The following CTNNA3 variants were observed in gnomAD, a reference collection of about 807,000 sequenced individuals.
The protein encoded by CTNNA3 is catenin alpha-3.
A neutral mutation model predicts 95.7 loss-of-function variants in CTNNA3; 76 were observed. The ratio of observed to expected loss-of-function variants is 0.79; its 90% confidence interval spans 0.66 to 0.96. The LOEUF is 0.96. Among genes scored for constraint, CTNNA3 ranks in the 40% least tolerant of loss-of-function variants. The probability of loss-of-function intolerance (pLI) is 0.00; values close to 1 mark genes in which losing one functional copy is unlikely to be tolerated. For missense variants in CTNNA3, 1,191 were observed against 1,089.8 expected, an observed-to-expected ratio of 1.09 and a Z score of -1.31; for synonymous variants, 431 against 374.4, an observed-to-expected ratio of 1.15 and a Z score of -1.74.
intron 7 of CTNNA3, among the ~76,000 whole-genome samples, chr10:67,126,384 G>A (rs1003914497): frequency 2.0e-5 from 3 of 151,896 alleles, no homozygotes; most frequent in Admixed American, 6.6e-5. Flanking sequence ...AAAGTCAGCT[G>A]GGCGTGGCGG....
intron 13 of CTNNA3, among the ~76,000 whole-genome samples, chr10:66,275,882 G>A (rs1211247851): frequency 6.6e-6 from 1 of 151,880 alleles, no homozygotes; most frequent in Non-Finnish European, 1.5e-5. Flanking sequence ...TGACACTGCA[G>A]GTAATCTCAA....
At chr10:67,658,398 T>C (rs1840086344) in intron 1 of CTNNA3, among the ~76,000 whole-genome samples, 1 of 152,204 alleles carries the variant, frequency 6.6e-6, no homozygotes, top group Non-Finnish European at 1.5e-5. Flanking sequence ...CAGAATCTAC[T>C]TGTCTACATT....
At chr10:66,557,614 T>C (rs1175805600) in intron 10 of CTNNA3, among the ~76,000 whole-genome samples, 2 of 152,120 alleles carry the variant, frequency 1.3e-5, no homozygotes, top group Non-Finnish European at 2.9e-5. Context: ...TCCCATCTGA[T>C]TGATCACAAT....
At chr10:66,836,514 A>G (rs1842892856) in intron 7 of CTNNA3, among the ~76,000 whole-genome samples, 1 of 152,160 alleles carries the variant, frequency 6.6e-6, no homozygotes, top group African/African-American at 2.4e-5. Flanking sequence ...CAGACTGTCC[A>G]CTAGAAAACG....
chr10:67,592,716 G>A (rs1426828062), intron 3 of CTNNA3, among the ~76,000 whole-genome samples: 1 of 152,098 alleles, frequency 6.6e-6, no homozygotes, highest in Non-Finnish European at 1.5e-5. Context: ...ACAGAAAGTG[G>A]CAGTTTCCAC....
chr10:66,879,803 A>G (rs1844775417), intron 7 of CTNNA3, among the ~76,000 whole-genome samples: 1 of 152,114 alleles, frequency 6.6e-6, no homozygotes. Context: ...ACGCATGTTT[A>G]GAAAAGCATG....
chr10:66,645,221 T>C (rs923178522), intron 9 of CTNNA3, among the ~76,000 whole-genome samples: 4 of 152,188 alleles, frequency 2.6e-5, no homozygotes, highest in Non-Finnish European at 5.9e-5. Flanking sequence ...TGAAGTCTAA[T>C]TCATCAATTT....
chr10:66,000,507 G>T (rs2078749836), intron 15 of CTNNA3, among the ~76,000 whole-genome samples: 1 of 152,066 alleles, frequency 6.6e-6, no homozygotes, highest in South Asian at 2.1e-4. Context: ...AAAACAGAAA[G>T]TTTAATTATA....
intron 11 of CTNNA3, among the ~76,000 whole-genome samples, chr10:66,394,550 TAA>T (rs71035137): frequency 0.29 from 37,626 of 127,964 alleles, 5,219 homozygotes; most frequent in South Asian, 0.38. Flanking sequence ...AGCACTGGGT[TAA>T]AAAAAAAAAA....
At chr10:67,543,701 T>C (rs1469114794) in intron 3 of CTNNA3, among the ~76,000 whole-genome samples, 2 of 152,134 alleles carry the variant, frequency 1.3e-5, no homozygotes, top group African/African-American at 4.8e-5. Context: ...AAGGTTTATA[T>C]CATACACATA....
At chr10:66,426,474 T>G (rs1396556327) in intron 11 of CTNNA3, among the ~76,000 whole-genome samples, 1 of 152,126 alleles carries the variant, frequency 6.6e-6, no homozygotes, top group African/African-American at 2.4e-5. Context: ...AACTCCTCAT[T>G]TTTTGAATAT....
intron 10 of CTNNA3, among the ~76,000 whole-genome samples, chr10:66,548,123 G>A (rs1474797604): frequency 1.3e-5 from 2 of 151,918 alleles, no homozygotes; most frequent in South Asian, 2.1e-4. Flanking sequence ...CTCCATGTTG[G>A]TCAGGCTGGT....
intron 7 of CTNNA3, among the ~76,000 whole-genome samples, chr10:66,962,502 C>T (rs949569615): frequency 7.2e-5 from 11 of 151,866 alleles, no homozygotes; most frequent in Admixed American, 3.3e-4. Flanking sequence ...CTCCATCTCC[C>T]GGGTTCAAGC....
chr10:67,630,964 A>T (rs1839126236), intron 2 of CTNNA3, among the ~76,000 whole-genome samples: 2 of 152,218 alleles, frequency 1.3e-5, no homozygotes, highest in South Asian at 2.1e-4. Flanking sequence ...CAGTTTCATT[A>T]TATAATGACT....
At chr10:66,453,719 A>AATTG (rs2093478993) in intron 11 of CTNNA3, among the ~76,000 whole-genome samples, 1 of 152,250 alleles carries the variant, frequency 6.6e-6, no homozygotes, top group Non-Finnish European at 1.5e-5. Flanking sequence ...TTGGAACCAC[A>AATTG]GACAATAGGA....
intron 13 of CTNNA3, among the ~76,000 whole-genome samples, chr10:66,201,399 G>A (rs1460762611): frequency 1.3e-5 from 2 of 152,170 alleles, no homozygotes; most frequent in Non-Finnish European, 2.9e-5. Flanking sequence ...CTGCCCTGCT[G>A]TAAATTTCGA....
intron 9 of CTNNA3, among the ~76,000 whole-genome samples, chr10:66,744,526 T>G (rs1004992537): frequency 1.3e-5 from 2 of 152,222 alleles, no homozygotes; most frequent in Non-Finnish European, 2.9e-5. Context: ...AGGACAACTC[T>G]ATTTCCAGTG....
chr10:66,695,463 C>T (rs1847721986), intron 9 of CTNNA3, among the ~76,000 whole-genome samples: 1 of 152,146 alleles, frequency 6.6e-6, no homozygotes, highest in African/African-American at 2.4e-5. Flanking sequence ...GAGGTTTAAA[C>T]TTAAATGAAA....
At chr10:67,633,881 A>C (rs1453035006) in intron 2 of CTNNA3, among the ~76,000 whole-genome samples, 1 of 152,200 alleles carries the variant, frequency 6.6e-6, no homozygotes, top group Non-Finnish European at 1.5e-5. Context: ...GACAGGGAGG[A>C]TGGAACCAAG....
Sources: gnomAD v4.1 joint callset for allele counts (sites outside exome capture counted in the v4.1 genomes callset) on GRCh38, gnomAD v4.1.1 for gene constraint, MANE v1.5 for transcripts, NCBI Gene and HGNC (gene_info 2026-07-23, HGNC 2026-07-21) for gene names.